Variants in STXBP3 observed in about 807,000 individuals in gnomAD.
STXBP3 encodes syntaxin-binding protein 3.
Under a neutral mutation model 85.7 loss-of-function variants are expected in STXBP3, and 41 were observed. The observed-to-expected ratio is 0.48, with a 90% CI of 0.37 to 0.62. The LOEUF (loss-of-function observed/expected upper bound fraction) is 0.62, where lower values mean the gene tolerates loss of function less well. Among genes scored for constraint, STXBP3 ranks in the 20% least tolerant of loss-of-function variants. The pLI, the probability that STXBP3 is intolerant of heterozygous loss-of-function variation, is 0.00. For synonymous variants in STXBP3, 229 were observed against 231.7 expected, an observed-to-expected ratio of 0.99 and a Z score of 0.10; for missense variants, 563 against 703.1, an observed-to-expected ratio of 0.80 and a Z score of 2.25.
intron 11 of STXBP3, 40 bp downstream of exon 11, chr1:108,782,746 G>A: frequency 6.6e-7 from 1 of 1,508,700 alleles, no homozygotes; most frequent in Non-Finnish European, 9.0e-7. Flanking sequence ...TAGTGAAGGT[G>A]AATTTTAAAG....
chr1:108,777,231 A>G (rs538159597), intron 8 of STXBP3, among the ~76,000 whole-genome samples: 149 of 152,250 alleles, frequency 9.8e-4, no homozygotes, highest in African/African-American at 3.4e-3. Context: ...GAATGAGAGA[A>G]GAATATACAG....
chr1:108,770,753 C>CT lies in STXBP3; in HGVS notation c.439-1912_439-1911insT, dbSNP rs1414302454. Among the ~76,000 whole-genome samples the CT allele has an allele frequency of 5.6e-5, 7 of 124,888 alleles. No individual in the cohort carries two copies. The South Asian group carries it at 1.5e-3, about 28-fold the overall frequency. 81.9% of individuals were successfully genotyped at this position (124,888 alleles called of 152,430 possible). ...AAAATTTAGTTTAACGGGGAACTCT[C>CT]AATACCATTTAGGGAGCTCCTGGCT... On this transcript the variant is annotated intron_variant, in intron 6 of 18. Coordinates refer to ENST00000370008, the MANE Select transcript of STXBP3 (RefSeq NM_007269.4).
At chr1:108,777,743 C>G (rs1256730503) in intron 8 of STXBP3, among the ~76,000 whole-genome samples, 3 of 152,108 alleles carry the variant, frequency 2.0e-5, no homozygotes, top group African/African-American at 7.2e-5. Flanking sequence ...TCAGGGACAC[C>G]TGATAAAGTG....
chr1:108,796,519 T>C lies in STXBP3; in HGVS notation c.1250-101T>C, dbSNP rs1358987620. On this transcript the variant is annotated intron_variant, in intron 14 of 18. Transcript: ENST00000370008. ...GACTGAAGGAGATATAATTTGACTG[T>C]TTTTTATTTTAAAAGCTTCATTCAT... 2.4e-6 allele frequency: 3 copies of C among 1,234,290 alleles called. No homozygotes were observed. In the Admixed American group the frequency reaches 8.0e-5, roughly 33 times the overall value. The allele number at this position is 1,234,290 out of a possible 1,614,324, so 76.5% of individuals were successfully genotyped here.
At position 108,761,486 on chromosome 1, in the gene STXBP3, T is replaced by G. The variant is rs558552878; in HGVS notation, c.438+1401T>G. On this transcript the variant is annotated intron_variant, in intron 6 of 18. Coordinates refer to ENST00000370008, the MANE Select transcript of STXBP3 (RefSeq NM_007269.4). Reference sequence around the variant, plus strand: ...TCTGCAGTTGCTGCATTTGAAGGAATGATTTGTGTAGATATCTGAATAATT... The same window carrying G: ...TCTGCAGTTGCTGCATTTGAAGGAAGGATTTGTGTAGATATCTGAATAATT... Among the ~76,000 whole-genome samples, 11 of 152,320 alleles carry G rather than the reference T, an allele frequency of 7.2e-5. No individual in the cohort carries two copies. In the South Asian group the frequency reaches 8.3e-4, roughly 11 times the overall value.
intron 17 of STXBP3, among the ~76,000 whole-genome samples, chr1:108,804,808 C>T (rs935836051): frequency 6.6e-6 from 1 of 152,174 alleles, no homozygotes; most frequent in African/African-American, 2.4e-5. Context: ...TTGTCCTGAC[C>T]TTATGCAGGG....
At position 108,809,013 on chromosome 1, in the gene STXBP3, CTG is replaced by C. The variant is rs1170207285; in HGVS notation, c.*138_*139del. 5.0e-6 allele frequency: 3 copies of C among 598,990 alleles called. No homozygotes were observed. The highest frequency in any genetic ancestry group is 3.6e-5 in the Admixed American group (1 of 28,068). 37.1% of individuals were successfully genotyped at this position (598,990 alleles called of 1,614,324 possible). ...CTTTTCAAATACATTTCTTAAGGAACTGTTTATGATTATTACTGGATTTGTCA... is the reference window on the plus strand; with the variant it reads ...CTTTTCAAATACATTTCTTAAGGAACTTTATGATTATTACTGGATTTGTCA... On this transcript the variant is annotated 3_prime_UTR_variant, in exon 19 of 19. Transcript: ENST00000370008.
chr1:108,747,326 G>A (rs569618699), intron 1 of STXBP3, among the ~76,000 whole-genome samples: 28 of 152,260 alleles, frequency 1.8e-4, no homozygotes, highest in Non-Finnish European at 3.4e-4. Context: ...ATTCCGAGAG[G>A]AGCCTACTTT....
chr1:108,748,165 A>G (rs1286824992), intron 1 of STXBP3, among the ~76,000 whole-genome samples: 2 of 152,122 alleles, frequency 1.3e-5, no homozygotes, highest in South Asian at 2.1e-4. Flanking sequence ...GTTGCTTCAC[A>G]ATCTCGTAAT....
chr1:108,804,661 T>A (rs951510856), intron 17 of STXBP3, among the ~76,000 whole-genome samples: 9 of 152,246 alleles, frequency 5.9e-5, no homozygotes, highest in South Asian at 2.1e-4. Context: ...AGGTTTTTTC[T>A]TTTTTGTATT....
At chr1:108,747,110 G>GCCGCGCTACCCACTCTTCTCCGCTCCCGT in intron 1 of STXBP3, among the ~76,000 whole-genome samples, 2 of 147,394 alleles carry the variant, frequency 1.4e-5, no homozygotes, top group Non-Finnish European at 3.0e-5. Context: ...CGTGCCCTCG[G>GCCGCGCTACCCACTCTTCTCCGCTCCCGT]CCGCGCTCCC....
intron 9 of STXBP3, chr1:108,780,438 A>G (rs1407928278): frequency 1.3e-5 from 2 of 151,620 alleles, no homozygotes; most frequent in African/African-American, 2.4e-5. Flanking sequence ...AAAAGCTACT[A>G]TACTCCCTTC....
intron 6 of STXBP3, among the ~76,000 whole-genome samples, chr1:108,764,444 T>C (rs7545914): frequency 0.38 from 57,663 of 152,070 alleles, 11,358 homozygotes; most frequent in Middle Eastern, 0.48. Flanking sequence ...ATGGTAGTTC[T>C]GTTTTTTAGG....
chr1:108,770,324 A>G (rs1662357310), intron 6 of STXBP3, among the ~76,000 whole-genome samples: 1 of 152,096 alleles, frequency 6.6e-6, no homozygotes, highest in Non-Finnish European at 1.5e-5. Flanking sequence ...AAACCTACAC[A>G]TGACCATGGC....
At chr1:108,794,126 G>C (rs146050886) in intron 12 of STXBP3, among the ~76,000 whole-genome samples, 154 of 152,308 alleles carry the variant, frequency 1.0e-3, no homozygotes, top group Non-Finnish European at 1.7e-3. Context: ...TAAAATACTT[G>C]AAACATTTAG....
At chr1:108,777,797 G>T (rs1662621385) in intron 8 of STXBP3, among the ~76,000 whole-genome samples, 1 of 151,988 alleles carries the variant, frequency 6.6e-6, no homozygotes, top group African/African-American at 2.4e-5. Context: ...GACTCTTCAG[G>T]CCAAGTGTTG....
In STXBP3 at chr1:108,793,535, A is replaced by C. The variant is rs753169437; in HGVS notation, c.964-47A>C. 8.1e-6 allele frequency: 12 copies of C among 1,473,566 alleles called. No homozygotes were observed. The South Asian group carries it at 1.2e-4, about 14-fold the overall frequency. The allele number at this position is 1,473,566 out of a possible 1,614,324, so 91.3% of individuals were successfully genotyped here. ...TAGGATTTCAAAGTTGTAATATGGA[A>C]TAACTGAATCATAGGCTTGCCTAAA... On this transcript the variant is annotated intron_variant, in intron 11 of 18. Transcript: ENST00000370008.
At chr1:108,775,121 G>A (rs192192054) in intron 7 of STXBP3, among the ~76,000 whole-genome samples, 13 of 151,952 alleles carry the variant, frequency 8.6e-5, no homozygotes, top group African/African-American at 2.9e-4. Context: ...TTTAATTATT[G>A]TACAAAGAGT....
chr1:108,747,052 G>C (rs887535756), intron 1 of STXBP3, among the ~76,000 whole-genome samples: 1 of 137,190 alleles, frequency 7.3e-6, no homozygotes, highest in Non-Finnish European at 1.6e-5. Context: ...GCGAAGCTCC[G>C]CCCCGGGTGA....
Sources: gnomAD v4.1 joint callset for allele counts (sites outside exome capture counted in the v4.1 genomes callset) on GRCh38, gnomAD v4.1.1 for gene constraint, MANE v1.5 for transcripts, NCBI Gene and HGNC (gene_info 2026-07-23, HGNC 2026-07-21) for gene names.